ARHGEF26: variants seen among roughly 807,000 people sequenced by gnomAD.
ARHGEF26 encodes the protein Rho guanine nucleotide exchange factor (GEF) 26.
Under a neutral mutation model 89.4 loss-of-function variants are expected in ARHGEF26, and 59 were observed. The ratio of observed to expected loss-of-function variants is 0.66; its 90% confidence interval spans 0.54 to 0.82. The LOEUF is 0.82. Ranked by LOEUF, ARHGEF26 falls within the 40% of genes least tolerant of loss-of-function variation. The pLI, the probability that ARHGEF26 is intolerant of heterozygous loss-of-function variation, is 0.00. For synonymous variants in ARHGEF26, 500 were observed against 428.4 expected (o/e 1.17, Z -2.06); for missense variants, 1,234 against 1,085.6 (o/e 1.14, Z -1.92).
intron 11 of ARHGEF26, among the ~76,000 whole-genome samples, chr3:154,229,801 C>G (rs931026593): frequency 6.6e-6 from 1 of 152,164 alleles, no homozygotes; most frequent in South Asian, 2.1e-4. Flanking sequence ...ACTAAACTAG[C>G]TTTGCCTTTG....
At chr3:154,161,098 GTTTGTGTGT>G (rs772368589) in intron 6 of ARHGEF26, among the ~76,000 whole-genome samples, 214 of 18,778 alleles carry the variant, frequency 0.011, no homozygotes, top group Middle Eastern at 0.042. Context: ...TGGTAGCCAG[GTTTGTGTGT>G]GTGTGTGTGT....
chr3:154,201,032 G>GTAT, intron 9 of ARHGEF26, among the ~76,000 whole-genome samples: 1 of 151,878 alleles, frequency 6.6e-6, no homozygotes, highest in East Asian at 1.9e-4. Flanking sequence ...TTAAGTTTTA[G>GTAT]GGTACATGTG....
chr3:154,177,444 G>A (rs1338282628), intron 6 of ARHGEF26, among the ~76,000 whole-genome samples: 1 of 152,196 alleles, frequency 6.6e-6, no homozygotes, highest in Non-Finnish European at 1.5e-5. Flanking sequence ...GAGTTGTGAT[G>A]TGTTAAAGGC....
At chr3:154,228,650 G>A (rs1323709240) in intron 11 of ARHGEF26, among the ~76,000 whole-genome samples, 12 of 152,022 alleles carry the variant, frequency 7.9e-5, no homozygotes, top group African/African-American at 2.4e-4. Flanking sequence ...ATGTGGTGAG[G>A]TTACATGCAA....
At chr3:154,218,019 C>A in intron 10 of ARHGEF26, 61 bp downstream of exon 10, 1 of 1,383,664 alleles carries the variant, frequency 7.2e-7, no homozygotes. Context: ...TAGAGAGAGA[C>A]AGTTGAGGGC....
At chr3:154,169,327 A>G (rs1204703254) in intron 6 of ARHGEF26, among the ~76,000 whole-genome samples, 2 of 152,102 alleles carry the variant, frequency 1.3e-5, no homozygotes, top group Non-Finnish European at 2.9e-5. Flanking sequence ...CCCAAAATCA[A>G]TACTTGTGGT....
Position 154,257,132 on chromosome 3 carries a change from C to A in ARHGEF26, c.*1659C>A. 2 of 838,194 alleles carry A rather than the reference C, an allele frequency of 2.4e-6. No individual in the cohort carries two copies. Among genetic ancestry groups the A allele is most frequent in the Non-Finnish European group, 1.7e-6 (1 of 576,428 alleles). The allele number at this position is 838,194 out of a possible 1,614,324, so 51.9% of individuals were successfully genotyped here. On this transcript the variant is annotated 3_prime_UTR_variant, in exon 15 of 15. Transcript: ENST00000465093. ...GAGGGGTAAGTGTGCCTGGCTCACA[C>A]AGCCTGCACCCTGTCACCTCGGCAA...
At chr3:154,170,545 C>T (rs960886780) in intron 6 of ARHGEF26, among the ~76,000 whole-genome samples, 3 of 152,250 alleles carry the variant, frequency 2.0e-5, no homozygotes, top group Middle Eastern at 3.4e-3. Flanking sequence ...GTCATCAGTC[C>T]ACCTGGATTC....
At chr3:154,200,836 T>C (rs977994465) in intron 9 of ARHGEF26, among the ~76,000 whole-genome samples, 2 of 152,038 alleles carry the variant, frequency 1.3e-5, no homozygotes, top group African/African-American at 4.8e-5. Context: ...AAGTACTTAA[T>C]TTTACATGTG....
At chr3:154,232,354 T>C (rs963762982) in intron 11 of ARHGEF26, among the ~76,000 whole-genome samples, 9 of 152,166 alleles carry the variant, frequency 5.9e-5, no homozygotes, top group African/African-American at 2.2e-4. Context: ...ATTTGTTATA[T>C]TATTAACAAT....
intron 12 of ARHGEF26, among the ~76,000 whole-genome samples, chr3:154,249,236 G>A (rs1240531931): frequency 6.6e-6 from 1 of 152,164 alleles, no homozygotes; most frequent in Non-Finnish European, 1.5e-5. Context: ...TGATTTCAAA[G>A]CCTACTTCCT....
intron 12 of ARHGEF26, 31 bp from the exon 13 acceptor site, chr3:154,253,085 G>A: frequency 1.9e-6 from 3 of 1,612,894 alleles, no homozygotes; most frequent in Non-Finnish European, 2.5e-6. Context: ...TACACCTTGA[G>A]TCTCTCAGTT....
chr3:154,225,752 A>G (rs1054166735), intron 10 of ARHGEF26, 104 bp from the exon 11 acceptor site: 14 of 1,254,554 alleles, frequency 1.1e-5, no homozygotes, highest in Non-Finnish European at 1.4e-5. Flanking sequence ...GATGCATACT[A>G]TGATAAGTAT....
chr3:154,145,464 C>G (rs1719641569), intron 4 of ARHGEF26, among the ~76,000 whole-genome samples: 2 of 152,152 alleles, frequency 1.3e-5, no homozygotes, highest in African/African-American at 4.8e-5. Flanking sequence ...AGTTTTAGCT[C>G]AGATGGGTGT....
chr3:154,127,792 GAC>G (rs869158332), intron 3 of ARHGEF26, among the ~76,000 whole-genome samples: 1 of 139,640 alleles, frequency 7.2e-6, no homozygotes, highest in East Asian at 2.5e-4. Flanking sequence ...CATTACCATA[GAC>G]ATGTGAGTAA....
chr3:154,221,357 A>G (rs1335735458), intron 10 of ARHGEF26, among the ~76,000 whole-genome samples: 1 of 152,184 alleles, frequency 6.6e-6, no homozygotes, highest in Non-Finnish European at 1.5e-5. Flanking sequence ...ATTGGAGAAA[A>G]AGGCATTTTT....
At chr3:154,210,684 G>A (rs1715307060) in intron 9 of ARHGEF26, among the ~76,000 whole-genome samples, 1 of 150,318 alleles carries the variant, frequency 6.7e-6, no homozygotes, top group South Asian at 2.2e-4. Flanking sequence ...GCTCACACCT[G>A]TAATCCCAGC....
chr3:154,196,894 AAAAG>A, intron 9 of ARHGEF26, among the ~76,000 whole-genome samples: 1 of 152,260 alleles, frequency 6.6e-6, no homozygotes, highest in Middle Eastern at 3.4e-3. Context: ...TTGAAAAAAA[AAAAG>A]AATTTGCACA....
chr3:154,174,048 A>G (rs1458104725), intron 6 of ARHGEF26, among the ~76,000 whole-genome samples: 2 of 152,156 alleles, frequency 1.3e-5, no homozygotes, highest in African/African-American at 4.8e-5. Flanking sequence ...TTAATCCAGA[A>G]TTCAGACAAG....
Sources: allele counts gnomAD v4.1 joint callset (sites outside exome capture counted in the v4.1 genomes callset), GRCh38; gene constraint gnomAD v4.1.1; transcripts MANE v1.5; gene names NCBI Gene and HGNC (gene_info 2026-07-23, HGNC 2026-07-21).